Variants in SIAH2 observed in about 807,000 individuals in gnomAD.
The protein encoded by SIAH2 is siah E3 ubiquitin protein ligase 2, also known as E3 ubiquitin-protein ligase SIAH2.
Under a neutral mutation model 20.4 loss-of-function variants are expected in SIAH2, and 4 were observed. That is an observed-to-expected ratio of 0.20 (90% CI 0.10 to 0.45). SIAH2 has a LOEUF of 0.45. Among genes scored for constraint, SIAH2 ranks in the 20% least tolerant of loss-of-function variants. The pLI, the probability that SIAH2 is intolerant of heterozygous loss-of-function variation, is 0.99. For synonymous variants in SIAH2, 171 were observed against 192.5 expected (o/e 0.89, Z 0.93); for missense variants, 259 against 440.3 (o/e 0.59, Z 3.69).
chr3:150,759,900 A>G (rs1028879168), intron 1 of SIAH2, among the ~76,000 whole-genome samples: 84 of 152,324 alleles, frequency 5.5e-4, no homozygotes, highest in African/African-American at 1.9e-3. Flanking sequence ...AAACAGTGGC[A>G]GCTCTTGAGA....
rs1482454371 is a variant in SIAH2 at position 150,742,662 on chromosome 3, T to C, written c.454A>G (p.Thr152Ala). The C allele has an allele frequency of 6.4e-7, 1 of 1,573,776 alleles. No individual in the cohort carries two copies. Among genetic ancestry groups the C allele is most frequent in the Non-Finnish European group, 8.6e-7 (1 of 1,157,366 alleles). ...ATGTCTTCATGTTCTGGTTTCTCCG[T>C]ATGGTGCAGGGTCAGGGAACAGCCC... ...TTGCSLTLHH[T>A]EKPEHEDICE... The change falls in exon 2 of 2, where the codon ACG becomes GCG. Residue 152 changes from threonine (T) to alanine (A), a missense_variant. This residue lies in a region of SIAH2 where 160 missense variants were observed against 327.6 expected (regional missense o/e 0.49). Coordinates refer to ENST00000312960, the MANE Select transcript of SIAH2 (RefSeq NM_005067.7). This position sits in a 1 kb window ranked among gnomAD's most constrained non-coding sequence, Gnocchi z 4.8.
At chr3:150,747,964 CAA>C (rs58478348) in intron 1 of SIAH2, among the ~76,000 whole-genome samples, 127 of 56,684 alleles carry the variant, frequency 2.2e-3, no homozygotes, top group African/African-American at 6.6e-3. Flanking sequence ...AACGCCATCT[CAA>C]AAAAAAAAAA....
At chr3:150,759,898 G>A (rs150639403) in intron 1 of SIAH2, among the ~76,000 whole-genome samples, 45 of 152,258 alleles carry the variant, frequency 3.0e-4, no homozygotes, top group African/African-American at 1.1e-3. Context: ...GCAAACAGTG[G>A]CAGCTCTTGA....
chr3:150,749,031 G>A lies in SIAH2; in HGVS notation c.418-6333C>T, dbSNP rs139208965. On this transcript the variant is annotated intron_variant, in intron 1 of 1. Transcript: ENST00000312960. ...ACAATGAGGTATTTAGGGGTAAAGG[G>A]ACAAGATGCCTGCAATTTACATTCA... Among the ~76,000 whole-genome samples, 340 of 152,202 alleles carry A rather than the reference G, an allele frequency of 2.2e-3. 1 individual carries two copies. Among genetic ancestry groups the A allele is most frequent in the Non-Finnish European group, 4.0e-3 (273 of 68,018 alleles).
At chr3:150,749,579 A>C (rs1714311879) in intron 1 of SIAH2, among the ~76,000 whole-genome samples, 1 of 152,334 alleles carries the variant, frequency 6.6e-6, no homozygotes, top group East Asian at 1.9e-4. Flanking sequence ...TATGGGACAG[A>C]AATGGTTTAT....
rs772791172 is a variant in SIAH2 at position 150,762,389 on chromosome 3, C to G, written c.417+44G>C. On this transcript the variant is annotated intron_variant, in intron 1 of 1. Transcript: ENST00000312960. This position sits in a 1 kb window ranked among gnomAD's most constrained non-coding sequence, Gnocchi z 6.6. ...GAGTGGGCTGGCGGATACCGGAGTCCCTGAGGTCACCGGCGGAGGTACGTG... is the reference window on the plus strand; with the variant it reads ...GAGTGGGCTGGCGGATACCGGAGTCGCTGAGGTCACCGGCGGAGGTACGTG... 1 of 1,581,206 alleles carries G rather than the reference C, an allele frequency of 6.3e-7. No homozygotes were observed. Among genetic ancestry groups the G allele is most frequent in the Non-Finnish European group, 8.6e-7 (1 of 1,165,472 alleles).
chr3:150,756,739 A>G (rs1206035487), intron 1 of SIAH2, among the ~76,000 whole-genome samples: 1 of 152,232 alleles, frequency 6.6e-6, no homozygotes. Flanking sequence ...CTTCTGCTTT[A>G]TACAAAAAGT....
intron 1 of SIAH2, among the ~76,000 whole-genome samples, chr3:150,747,863 C>T (rs1385110654): frequency 6.7e-6 from 1 of 149,584 alleles, no homozygotes; most frequent in Non-Finnish European, 1.5e-5. Flanking sequence ...ACCCGGGAGG[C>T]TAAGGCAGGA....
chr3:150,758,803 C>T (rs1456626542), intron 1 of SIAH2, among the ~76,000 whole-genome samples: 2 of 150,084 alleles, frequency 1.3e-5, no homozygotes, highest in East Asian at 2.0e-4. Context: ...AATGCAATGA[C>T]GTGATCTTGG....
intron 1 of SIAH2, among the ~76,000 whole-genome samples, chr3:150,759,320 C>T (rs548277230): frequency 8.5e-5 from 13 of 152,300 alleles, no homozygotes; most frequent in African/African-American, 2.6e-4. Flanking sequence ...CAGTCCAGAG[C>T]TGTGATGATA....
intron 1 of SIAH2, among the ~76,000 whole-genome samples, chr3:150,751,368 G>T (rs961253091): frequency 5.3e-5 from 8 of 151,988 alleles, no homozygotes; most frequent in African/African-American, 1.9e-4. Context: ...AGGTTACAGT[G>T]AGCCGAGATT....
intron 1 of SIAH2, among the ~76,000 whole-genome samples, chr3:150,755,357 G>T (rs1199275127): frequency 1.1e-3 from 114 of 108,340 alleles, no homozygotes; most frequent in African/African-American, 4.2e-3. Flanking sequence ...TTGAGACAGG[G>T]TCTCACTCTG....
intron 1 of SIAH2, among the ~76,000 whole-genome samples, chr3:150,745,640 T>C (rs1254090148): frequency 6.6e-6 from 1 of 152,010 alleles, no homozygotes; most frequent in African/African-American, 2.4e-5. Context: ...GGACTACAGG[T>C]GCCTGCCACC....
chr3:150,746,362 T>C (rs374462393), intron 1 of SIAH2, among the ~76,000 whole-genome samples: 1 of 152,030 alleles, frequency 6.6e-6, no homozygotes, highest in Non-Finnish European at 1.5e-5. Flanking sequence ...TGCCACTGCA[T>C]TGCAGCCTGG....
chr3:150,755,601 C>T (rs989403270), intron 1 of SIAH2, among the ~76,000 whole-genome samples: 3 of 152,054 alleles, frequency 2.0e-5, no homozygotes, highest in Non-Finnish European at 4.4e-5. Flanking sequence ...CCACAACCTC[C>T]GCCTCCTGGG....
chr3:150,745,061 T>C (rs1384360725), intron 1 of SIAH2, among the ~76,000 whole-genome samples: 1 of 152,164 alleles, frequency 6.6e-6, no homozygotes, highest in Non-Finnish European at 1.5e-5. Flanking sequence ...AGGATCTTGC[T>C]ACATCCTCTA....
At chr3:150,747,002 T>C (rs1164976083) in intron 1 of SIAH2, among the ~76,000 whole-genome samples, 1 of 152,238 alleles carries the variant, frequency 6.6e-6, no homozygotes, top group South Asian at 2.1e-4. Context: ...CATTTGTGGC[T>C]TCACAAGGAG....
At chr3:150,756,543 G>A (rs1714488803) in intron 1 of SIAH2, among the ~76,000 whole-genome samples, 1 of 152,146 alleles carries the variant, frequency 6.6e-6, no homozygotes, top group South Asian at 2.1e-4. Context: ...CCAATCTTGG[G>A]CTGGTATTTT....
chr3:150,751,083 G>A (rs961011494), intron 1 of SIAH2, among the ~76,000 whole-genome samples: 3 of 152,120 alleles, frequency 2.0e-5, no homozygotes, highest in African/African-American at 7.2e-5. Flanking sequence ...GAACCTTAGC[G>A]TATTTTCCCT....
Sources: gnomAD v4.1 joint callset for allele counts (sites outside exome capture counted in the v4.1 genomes callset) on GRCh38, gnomAD v4.1.1 for gene constraint, gnomAD v4.1.1 regional missense constraint, Gnocchi (gnomAD v3.1) non-coding constraint, MANE v1.5 for transcripts, NCBI Gene and HGNC (gene_info 2026-07-23, HGNC 2026-07-21) for gene names.